Variants in CCDC122 observed in about 807,000 individuals in gnomAD.
The protein encoded by CCDC122 is coiled-coil domain containing 122.
CCDC122 carries 38 observed loss-of-function variants against 37.0 expected under a neutral mutation model. The observed-to-expected ratio is 1.03, with a 90% CI of 0.79 to 1.35. The LOEUF (loss-of-function observed/expected upper bound fraction) is 1.35, where lower values mean the gene tolerates loss of function less well. Among genes scored for constraint, CCDC122 ranks in the 40% most tolerant of loss-of-function variants. The pLI, the probability that CCDC122 is intolerant of heterozygous loss-of-function variation, is 0.00. For synonymous variants in CCDC122, 83 were observed against 95.6 expected (o/e 0.87, Z 0.77); for missense variants, 305 against 310.0 (o/e 0.98, Z 0.12).
At chr13:43,838,846 G>T (rs1230408080) in intron 6 of CCDC122, among the ~76,000 whole-genome samples, 1 of 152,208 alleles carries the variant, frequency 6.6e-6, no homozygotes, top group Non-Finnish European at 1.5e-5. Context: ...GGCACAATGA[G>T]AAATCATGCT....
At chr13:43,831,590 A>T (rs753873607), downstream of CCDC122, among the ~76,000 whole-genome samples, 6 of 152,188 alleles carry the variant, frequency 3.9e-5, no homozygotes, top group Non-Finnish European at 7.3e-5. Context: ...AATGTTTAAA[A>T]ATTCATCTTA....
intron 6 of CCDC122, among the ~76,000 whole-genome samples, chr13:43,838,601 C>T (rs1159339540): frequency 2.6e-5 from 4 of 152,154 alleles, no homozygotes; most frequent in Non-Finnish European, 4.4e-5. Context: ...AAGTTACCAA[C>T]CACAGGTTCT....
chr13:43,819,324 A>C (rs1048342099), downstream of CCDC122, among the ~76,000 whole-genome samples: 1 of 152,214 alleles, frequency 6.6e-6, no homozygotes, highest in Admixed American at 6.5e-5. Flanking sequence ...TCAGCAAGCA[A>C]TTCCACTTCT....
At chr13:43,871,306 C>T (rs929654219) in intron 2 of CCDC122, among the ~76,000 whole-genome samples, 2 of 152,046 alleles carry the variant, frequency 1.3e-5, no homozygotes, top group Non-Finnish European at 2.9e-5. Context: ...CTCCAATGGC[C>T]TAATGACACA....
Position 43,836,923 on chromosome 13 carries a change from G to T in CCDC122, c.*357C>A, listed in dbSNP as rs2084085. On this transcript the variant is annotated 3_prime_UTR_variant, in exon 7 of 7. Coordinates refer to ENST00000444614, the MANE Select transcript of CCDC122 (RefSeq NM_144974.5). ...TTAAAAATCTTAACAATTTAAATCA[G>T]TGAAAATTCGAGTGTTTTTTCCCTT... The T allele has an allele frequency of 0.89, 138,668 of 155,112 alleles. 62,782 individuals carry two copies. The highest frequency in any genetic ancestry group is 0.99 in the South Asian group (4,768 of 4,840). 9.6% of individuals were successfully genotyped at this position (155,112 alleles called of 1,614,324 possible).
Position 43,836,710 on chromosome 13 carries a change from C to T in CCDC122, c.*570G>A, listed in dbSNP as rs1185028895. The T allele has an allele frequency of 2.6e-5, 4 of 151,128 alleles. No individual in the cohort carries two copies. Among genetic ancestry groups the T allele is most frequent in the African/African-American group, 9.7e-5 (4 of 41,164 alleles). The allele number at this position is 151,128 out of a possible 1,614,324, so 9.4% of individuals were successfully genotyped here. A position where few individuals can be genotyped will look rare whatever the true frequency, so the allele number is the denominator to read the frequency against. On this transcript the variant is annotated 3_prime_UTR_variant, in exon 7 of 7. Transcript: ENST00000444614. ...CTAAAAATACAAAAAATTAGCCGGG[C>T]GCGGTGGCGGGCGCCTGTGGTCCCA...
intron 3 of CCDC122, among the ~76,000 whole-genome samples, chr13:43,826,128 T>A (rs1940866359): frequency 6.6e-6 from 1 of 152,204 alleles, no homozygotes; most frequent in African/African-American, 2.4e-5. Flanking sequence ...GATGAATTTA[T>A]ACTCTTGGAA....
chr13:43,851,044 A>G (rs1262392000), intron 6 of CCDC122, among the ~76,000 whole-genome samples: 1 of 152,230 alleles, frequency 6.6e-6, no homozygotes, highest in Non-Finnish European at 1.5e-5. Flanking sequence ...ATGAAGTGGC[A>G]TAACATTTTT....
chr13:43,836,921 C>A lies in CCDC122; in HGVS notation c.*359G>T. 1.3e-5 allele frequency: 2 copies of A among 151,722 alleles called. No homozygotes were observed. The highest frequency in any genetic ancestry group is 2.9e-5 in the Non-Finnish European group (2 of 69,630). 9.4% of individuals were successfully genotyped at this position (151,722 alleles called of 1,614,324 possible). ...TTTTAAAAATCTTAACAATTTAAAT[C>A]AGTGAAAATTCGAGTGTTTTTTCCC... On this transcript the variant is annotated 3_prime_UTR_variant, in exon 7 of 7. Coordinates refer to ENST00000444614, the MANE Select transcript of CCDC122 (RefSeq NM_144974.5).
intron 4 of CCDC122, among the ~76,000 whole-genome samples, chr13:43,867,776 A>G (rs574255499): frequency 6.6e-6 from 1 of 152,306 alleles, no homozygotes; most frequent in African/African-American, 2.4e-5. Context: ...TTTGAATTAT[A>G]TTCTACTGTA....
intron 2 of CCDC122, among the ~76,000 whole-genome samples, chr13:43,873,674 C>A (rs1954516974): frequency 6.6e-6 from 1 of 152,192 alleles, no homozygotes; most frequent in Non-Finnish European, 1.5e-5. Flanking sequence ...AAGCTGCATG[C>A]AGTTCTTTTG....
At chr13:43,847,436 C>A (rs1953581082) in intron 6 of CCDC122, among the ~76,000 whole-genome samples, 1 of 151,986 alleles carries the variant, frequency 6.6e-6, no homozygotes. Context: ...AAAACAAAAA[C>A]CATATTTAAA....
At chr13:43,859,503 A>G (rs552321484) in intron 5 of CCDC122, among the ~76,000 whole-genome samples, 169 bp downstream of exon 5, 49 of 152,240 alleles carry the variant, frequency 3.2e-4, no homozygotes, top group African/African-American at 1.2e-3. Context: ...TCGTTGTTAT[A>G]TAACACATGT....
intron 6 of CCDC122, chr13:43,848,682 G>T: frequency 3.7e-6 from 1 of 269,208 alleles, no homozygotes; most frequent in Non-Finnish European, 5.7e-6. Flanking sequence ...AATACTGAAA[G>T]CATTTACTTG....
downstream of CCDC122, among the ~76,000 whole-genome samples, chr13:43,822,425 T>C (rs1402871408): frequency 1.3e-5 from 2 of 152,202 alleles, no homozygotes; most frequent in African/African-American, 4.8e-5. Flanking sequence ...CAAGGCCCCC[T>C]GTAATCACTA....
chr13:43,843,097 G>C (rs909772344), intron 6 of CCDC122, among the ~76,000 whole-genome samples: 5 of 152,000 alleles, frequency 3.3e-5, no homozygotes, highest in African/African-American at 9.7e-5. Flanking sequence ...CTTGTTCCCA[G>C]TCTTAGGGGA....
downstream of CCDC122, among the ~76,000 whole-genome samples, chr13:43,833,727 T>G (rs1057508655): frequency 2.0e-5 from 3 of 151,980 alleles, no homozygotes; most frequent in East Asian, 5.8e-4. Flanking sequence ...CAGAGGCCAG[T>G]GAGATCAGAA....
At position 43,837,407 on chromosome 13, in the gene CCDC122, GCAT is replaced by G; in HGVS notation, c.692_694del (p.Asp231del). 6.2e-7 allele frequency: 1 copy of G among 1,613,852 alleles called. No homozygotes were observed. Among genetic ancestry groups the G allele is most frequent in the Non-Finnish European group, 8.5e-7 (1 of 1,179,954 alleles). The stretch of plus-strand genomic sequence containing the variant: ...CTGACAATGCAAACGCTTAAGAATT[GCAT>G]CATACCTCTTATGTTGTACCTATCA... On this transcript the variant is annotated inframe_deletion, in exon 7 of 7. Coordinates refer to ENST00000444614, the MANE Select transcript of CCDC122 (RefSeq NM_144974.5).
intron 3 of CCDC122, among the ~76,000 whole-genome samples, chr13:43,824,933 T>A (rs1953025811): frequency 6.6e-6 from 1 of 152,188 alleles, no homozygotes; most frequent in South Asian, 2.1e-4. Context: ...AAGACAATGC[T>A]TATACATTGT....
Sources: gnomAD v4.1 joint callset for allele counts (sites outside exome capture counted in the v4.1 genomes callset) on GRCh38, gnomAD v4.1.1 for gene constraint, MANE v1.5 for transcripts, NCBI Gene and HGNC (gene_info 2026-07-23, HGNC 2026-07-21) for gene names.